Variants in HUNK observed in about 807,000 individuals in gnomAD.
HUNK encodes the protein hormonally up-regulated neu tumor-associated kinase.
Under a neutral mutation model 61.0 loss-of-function variants are expected in HUNK, and 21 were observed. The observed-to-expected ratio is 0.34, with a 90% confidence interval of 0.24 to 0.50. The LOEUF (loss-of-function observed/expected upper bound fraction) is 0.50. Among genes scored for constraint, HUNK ranks in the 20% least tolerant of loss-of-function variants. The pLI, the probability that HUNK is intolerant of heterozygous loss-of-function variation, is 0.98. For missense variants in HUNK, 772 were observed against 945.7 expected (o/e 0.82, Z 2.41); for synonymous variants, 371 against 386.1 (o/e 0.96, Z 0.46).
intron 6 of HUNK, among the ~76,000 whole-genome samples, chr21:31,971,804 A>G (rs2053012916): frequency 7.0e-6 from 1 of 143,284 alleles, no homozygotes; most frequent in African/African-American, 2.6e-5. Context: ...GCTAGGTGCC[A>G]GCTCCCCTCC....
chr21:31,898,130 G>A (rs762478863), intron 1 of HUNK, among the ~76,000 whole-genome samples: 34 of 152,274 alleles, frequency 2.2e-4, no homozygotes, highest in Admixed American at 7.2e-4. Context: ...GGAGAAGGCC[G>A]AGAGGTGAGT....
At position 31,999,337 on chromosome 21, in the gene HUNK, A is replaced by C. The variant is rs990510712; in HGVS notation, c.*153A>C. On this transcript the variant is annotated 3_prime_UTR_variant, in exon 11 of 11. Transcript: ENST00000270112. Reference sequence around the variant, plus strand: ...ACAGACCCAAAGCCTGCACAACCCAACCTCGCTTAGGGACCCCCAGAGATG... The same window carrying C: ...ACAGACCCAAAGCCTGCACAACCCACCCTCGCTTAGGGACCCCCAGAGATG... 5.8e-6 allele frequency: 4 copies of C among 693,702 alleles called. No individual in the cohort carries two copies. The highest frequency in any genetic ancestry group is 9.4e-6 in the Non-Finnish European group (4 of 426,234). 43.0% of individuals were successfully genotyped at this position (693,702 alleles called of 1,614,324 possible). A position where few individuals can be genotyped will look rare whatever the true frequency, so the allele number is the denominator to read the frequency against.
intron 1 of HUNK, among the ~76,000 whole-genome samples, chr21:31,915,471 T>G (rs1382862169): frequency 1.3e-5 from 2 of 152,224 alleles, no homozygotes; most frequent in Admixed American, 1.3e-4. Context: ...GGAAAGGCTA[T>G]GAACTTTCTA....
rs530908343 is a variant in HUNK, at chr21:31,902,239, G to A, written c.262-22229G>A. On this transcript the variant is annotated intron_variant, in intron 1 of 10. Transcript: ENST00000270112. ...AAGAAAGTTGGCCACGGCCGGGCGC[G>A]GTGGCTCACACCTGTAATCCCAGCA... is the stretch of plus-strand genomic sequence containing the variant. 3.3e-3 allele frequency among the ~76,000 whole-genome samples: 509 copies of A among 152,258 alleles called. 2 individuals are homozygous for A. Among genetic ancestry groups the A allele is most frequent in the Non-Finnish European group, 5.3e-3 (359 of 68,026 alleles).
rs1352909626 is a variant in HUNK, at chr21:31,924,851, A to G, written c.554+91A>G. On this transcript the variant is annotated intron_variant, in intron 2 of 10. Coordinates refer to ENST00000270112, the MANE Select transcript of HUNK (RefSeq NM_014586.2). This position sits in a 1 kb window ranked among gnomAD's most constrained non-coding sequence, Gnocchi z 5.1. ...CCCTCTGAGCCTCTGAGAAAGGCTG[A>G]GCAATTGCAGCCTGTTTTACAATTT... 1.0e-5 allele frequency: 10 copies of G among 954,162 alleles called. No homozygotes were observed. Among genetic ancestry groups the G allele is most frequent in the Non-Finnish European group, 1.4e-5 (9 of 641,338 alleles). 59.1% of individuals were successfully genotyped at this position (954,162 alleles called of 1,614,324 possible). A position where few individuals can be genotyped will look rare whatever the true frequency, so the allele number is the denominator to read the frequency against.
At chr21:31,904,905 T>TGGTTTAGA (rs1367758056) in intron 1 of HUNK, among the ~76,000 whole-genome samples, 1 of 152,004 alleles carries the variant, frequency 6.6e-6, no homozygotes, top group Non-Finnish European at 1.5e-5. Context: ...CAGCCTGGCC[T>TGGTTTAGA]CAAACCCTGT....
At chr21:31,897,405 C>T (rs1280726668) in intron 1 of HUNK, among the ~76,000 whole-genome samples, 2 of 152,232 alleles carry the variant, frequency 1.3e-5, no homozygotes, top group Non-Finnish European at 2.9e-5. Flanking sequence ...GCCTGTCTTC[C>T]AGCCTCTGAT....
Position 31,873,552 on chromosome 21 carries a change from G to GAGACCCAGGCGGGGCT in HUNK, c.-122_-107dup, listed in dbSNP as rs1455788813. The stretch of plus-strand genomic sequence containing the variant: ...GCGGCGGCCCCGGGCTCTGGGTGCG[G>GAGACCCAGGCGGGGCT]AGACCCAGGCGGGGCTGGGCCCAGG... On this transcript the variant is annotated 5_prime_UTR_variant, in exon 1 of 11. Coordinates refer to ENST00000270112, the MANE Select transcript of HUNK (RefSeq NM_014586.2). The surrounding 1 kb of genome is among the most constrained non-coding windows in gnomAD (Gnocchi z 6.1). The GAGACCCAGGCGGGGCT allele has an allele frequency of 5.2e-6, 4 of 772,140 alleles. No homozygotes were observed. Among genetic ancestry groups the GAGACCCAGGCGGGGCT allele is most frequent in the Admixed American group, 6.2e-5 (1 of 16,016 alleles). 47.8% of individuals were successfully genotyped at this position (772,140 alleles called of 1,614,324 possible). A position where few individuals can be genotyped will look rare whatever the true frequency, so the allele number is the denominator to read the frequency against.
chr21:31,999,302 A>G lies in HUNK; in HGVS notation c.*118A>G. On this transcript the variant is annotated 3_prime_UTR_variant, in exon 11 of 11. Transcript: ENST00000270112. The stretch of plus-strand genomic sequence containing the variant: ...GTGGAGCATCCTTAGTCCCACCTGT[A>G]GCTGAATCCACAGACCCAAAGCCTG... The G allele has an allele frequency of 1.1e-6, 1 of 919,920 alleles. No individual in the cohort carries two copies. Among genetic ancestry groups the G allele is most frequent in the East Asian group, 2.6e-5 (1 of 39,058 alleles). 57.0% of individuals were successfully genotyped at this position (919,920 alleles called of 1,614,324 possible). A position where few individuals can be genotyped will look rare whatever the true frequency, so the allele number is the denominator to read the frequency against.
At chr21:31,980,974 G>C (rs1386998989) in intron 7 of HUNK, among the ~76,000 whole-genome samples, 1 of 152,222 alleles carries the variant, frequency 6.6e-6, no homozygotes, top group African/African-American at 2.4e-5. Context: ...AAAGTGCTGG[G>C]ATTACAGGCA....
chr21:31,977,317 A>G (rs2123854361), intron 7 of HUNK, among the ~76,000 whole-genome samples: 1 of 152,362 alleles, frequency 6.6e-6, no homozygotes, highest in Non-Finnish European at 1.5e-5. Context: ...TAGTCTTCAG[A>G]TAAAAGGAAG....
chr21:31,953,066 A>G (rs1417169054), intron 4 of HUNK, among the ~76,000 whole-genome samples: 1 of 152,010 alleles, frequency 6.6e-6, no homozygotes, highest in Non-Finnish European at 1.5e-5. Flanking sequence ...TGCATTCCAC[A>G]TTTTTCCCTT....
Position 31,998,963 on chromosome 21 carries a change from G to A in HUNK, c.1924G>A (p.Val642Ile), listed in dbSNP as rs759668222. 1.2e-6 allele frequency: 2 copies of A among 1,614,198 alleles called. No homozygotes were observed. Among genetic ancestry groups the A allele is most frequent in the East Asian group, 2.2e-5 (1 of 44,870 alleles). Residue 642 changes from valine to isoleucine, a missense_variant, in exon 11 of 11, where the codon GTT becomes ATT. Physicochemically the swap from Val to Ile is conservative, Grantham distance 29. Transcript: ENST00000270112. ...KEEGLCCPPPVPSNGPMQPLG... is the reference protein window; with the variant it reads ...KEEGLCCPPPIPSNGPMQPLG... ...GGAGGGCCTGTGTTGCCCACCTCCG[G>A]TTCCCAGCAATGGCCCCATGCAGCC...
At chr21:31,906,898 G>A (rs1045391100) in intron 1 of HUNK, among the ~76,000 whole-genome samples, 8 of 152,266 alleles carry the variant, frequency 5.3e-5, no homozygotes, top group South Asian at 2.1e-4. Context: ...GGTCTGGCCC[G>A]GTGTGGTGGC....
At chr21:31,989,713 C>CA (rs758563763) in intron 8 of HUNK, among the ~76,000 whole-genome samples, 10,934 of 79,964 alleles carry the variant, frequency 0.14, 1,151 homozygotes, top group African/African-American at 0.26. Context: ...GACTCGGTCT[C>CA]AAAAAAAAAA....
intron 6 of HUNK, among the ~76,000 whole-genome samples, chr21:31,968,973 G>C (rs974922089): frequency 4.0e-5 from 6 of 151,830 alleles, no homozygotes; most frequent in African/African-American, 1.5e-4. Context: ...CTGCCTCCTG[G>C]TTTCAAGCGA....
At chr21:31,994,341 G>A (rs1361322527) in intron 9 of HUNK, among the ~76,000 whole-genome samples, 5 of 152,138 alleles carry the variant, frequency 3.3e-5, no homozygotes, top group Admixed American at 6.5e-5. Context: ...CTACCCTGTC[G>A]TCTTTCCCAC....
At position 31,932,020 on chromosome 21, in the gene HUNK, C is replaced by G. The variant is rs571791886; in HGVS notation, c.554+7260C>G. Among the ~76,000 whole-genome samples, 16 of 152,296 alleles carry G rather than the reference C, an allele frequency of 1.1e-4. No homozygotes were observed. In the South Asian group the frequency reaches 3.3e-3, roughly 32 times the overall value. ...CAACACGTATGTGCAAACATGTGTA[C>G]ATTCATACACCCATGGATGCGTGCA... is the stretch of plus-strand genomic sequence containing the variant. On this transcript the variant is annotated intron_variant, in intron 2 of 10. Coordinates refer to ENST00000270112, the MANE Select transcript of HUNK (RefSeq NM_014586.2).
chr21:31,873,562 C>A lies in HUNK; in HGVS notation c.-113C>A. 4.7e-6 allele frequency: 4 copies of A among 856,296 alleles called. No individual in the cohort carries two copies. The highest frequency in any genetic ancestry group is 6.2e-5 in the Admixed American group (1 of 16,104). 53.0% of individuals were successfully genotyped at this position (856,296 alleles called of 1,614,324 possible). A position where few individuals can be genotyped will look rare whatever the true frequency, so the allele number is the denominator to read the frequency against. On this transcript the variant is annotated 5_prime_UTR_variant, in exon 1 of 11. Coordinates refer to ENST00000270112, the MANE Select transcript of HUNK (RefSeq NM_014586.2). The surrounding 1 kb of genome is among the most constrained non-coding windows in gnomAD (Gnocchi z 6.1). Reference sequence around the variant, plus strand: ...CGGGCTCTGGGTGCGGAGACCCAGGCGGGGCTGGGCCCAGGGCGGCGGCGG... The same window carrying A: ...CGGGCTCTGGGTGCGGAGACCCAGGAGGGGCTGGGCCCAGGGCGGCGGCGG...
Sources: gnomAD v4.1 joint callset for allele counts (sites outside exome capture counted in the v4.1 genomes callset) on GRCh38, gnomAD v4.1.1 for gene constraint, Gnocchi (gnomAD v3.1) non-coding constraint, MANE v1.5 for transcripts, NCBI Gene and HGNC (gene_info 2026-07-23, HGNC 2026-07-21) for gene names.